Variants in COL5A3 observed in about 807,000 individuals in gnomAD.
COL5A3 encodes the protein collagen alpha-3(V) chain.
COL5A3 carries 172 observed loss-of-function variants against 250.0 expected under a neutral mutation model. The observed-to-expected ratio is 0.69, with a 90% CI of 0.61 to 0.78. COL5A3 has a LOEUF of 0.78. COL5A3 is among the 30% of genes least tolerant of loss of function. The pLI is 0.00. For missense variants in COL5A3, 2,340 were observed against 2,334.4 expected, an observed-to-expected ratio of 1.00 and a Z score of -0.05; for synonymous variants, 937 against 900.4, an observed-to-expected ratio of 1.04 and a Z score of -0.73.
Position 9,985,855 on chromosome 19 carries a change from C to T in COL5A3, c.2393G>A (p.Arg798His), listed in dbSNP as rs758573683. 19 of 1,613,782 alleles carry T rather than the reference C, an allele frequency of 1.2e-5. No individual in the cohort carries two copies. Among genetic ancestry groups the T allele is most frequent in the South Asian group, 7.7e-5 (7 of 91,050 alleles). The change falls in exon 31 of 67, where the codon CGC (arginine) becomes CAC (histidine). Residue 798 changes from arginine to histidine, a missense_variant. Physicochemically the swap from Arg to His is conservative, Grantham distance 29 (BLOSUM62 0). This residue lies in a region of COL5A3 where 1,152 missense variants were observed against 1,146.3 expected (regional missense o/e 1.00). Transcript: ENST00000264828. Reference sequence around the variant, plus strand: ...CCAGCTTCCTACCTTAGGTCCAGGGCGTCCTGGATAACCTGGGAGGCCTGG... The same window carrying T: ...CCAGCTTCCTACCTTAGGTCCAGGGTGTCCTGGATAACCTGGGAGGCCTGG... The part of the protein sequence containing the change: ...GVPGLPGYPG[R>H]PGPKGSIGFP...
chr19:9,992,353 G>A (rs2087206562), intron 21 of COL5A3, among the ~76,000 whole-genome samples: 2 of 152,026 alleles, frequency 1.3e-5, no homozygotes, highest in Non-Finnish European at 2.9e-5. Context: ...AGTTTGCAGT[G>A]AGCAGAGATC....
In COL5A3 at chr19:9,977,264, C is replaced by T. The variant is rs757598023; in HGVS notation, c.3253G>A (p.Gly1085Arg). The change falls in exon 44 of 67, where the codon GGA becomes AGA. Residue 1085 changes from glycine (G) to arginine (R), a missense_variant. By Grantham distance (125) the Gly-to-Arg change is moderately radical. Around this residue, in one of 3 missense-constraint regions of COL5A3, gnomAD observed 1,179 missense variants for 1,162.6 expected, o/e 1.01. Transcript: ENST00000264828. ...EGDKGDVGAP[G>R]HKGSKGDKGD... ...TTATCGCCTTTACTCCCCTTGTGTC[C>T]GGGGGCACCCACATCCCCCTGCAGA... is the stretch of plus-strand genomic sequence containing the variant. 1.6e-5 allele frequency: 26 copies of T among 1,614,076 alleles called. No individual in the cohort carries two copies. The South Asian group carries it at 1.8e-4, about 11-fold the overall frequency.
At chr19:10,008,488 C>T (rs2145151431) in intron 1 of COL5A3, among the ~76,000 whole-genome samples, 1 of 152,264 alleles carries the variant, frequency 6.6e-6, no homozygotes, top group South Asian at 2.1e-4. Flanking sequence ...TGCCACTCTC[C>T]CCTGTGCTGG....
intron 31 of COL5A3, among the ~76,000 whole-genome samples, chr19:9,984,753 G>A (rs2087070895): frequency 2.0e-5 from 3 of 151,968 alleles, no homozygotes; most frequent in South Asian, 4.2e-4. Flanking sequence ...GCGGGTAAGA[G>A]GGCATTTGAC....
At chr19:9,967,877 A>T in intron 61 of COL5A3, 27 bp downstream of exon 61, 2 of 1,609,446 alleles carry the variant, frequency 1.2e-6, no homozygotes, top group Non-Finnish European at 1.7e-6. Flanking sequence ...TGGGATGTGT[A>T]AGCCCACGGA....
At chr19:9,980,199 T>C in intron 35 of COL5A3, 152 bp from the exon 36 acceptor site, 1 of 782,770 alleles carries the variant, frequency 1.3e-6, no homozygotes, top group South Asian at 1.7e-5. Context: ...GTCATTTTAT[T>C]CACCACTGTA....
intron 4 of COL5A3, among the ~76,000 whole-genome samples, chr19:10,004,731 G>A (rs113953093): frequency 0.023 from 3,424 of 152,176 alleles, 63 homozygotes; most frequent in South Asian, 0.06. Flanking sequence ...TGGCCTCCCA[G>A]AGGTGACACA....
rs756198915 is a variant in COL5A3 at position 9,980,643 on chromosome 19, C to T, written c.2604+5G>A. 3.1e-6 allele frequency: 5 copies of T among 1,612,326 alleles called. No individual in the cohort carries two copies. The South Asian group carries it at 4.4e-5, about 14-fold the overall frequency. On this transcript the variant is annotated splice_donor_5th_base_variant and intron_variant, in intron 35 of 66. Coordinates refer to ENST00000264828, the MANE Select transcript of COL5A3 (RefSeq NM_015719.4). ...TCACACACACACACACACACACACA[C>T]TCACCTTTTCTCCAGGGATCCCAGG...
intron 61 of COL5A3, 68 bp from the exon 62 acceptor site, chr19:9,967,468 A>AACACACACACACAC: frequency 1.0e-6 from 1 of 998,068 alleles, no homozygotes; most frequent in Non-Finnish European, 1.4e-6. Context: ...CATACACACA[A>AACACACACACACAC]ACACACACAC....
rs1316770235 is a variant in COL5A3 at position 9,988,910 on chromosome 19, T to C, written c.2145+214A>G. Among the ~76,000 whole-genome samples, 3 of 149,782 alleles carry C rather than the reference T, an allele frequency of 2.0e-5. No individual in the cohort carries two copies. The East Asian group carries it at 5.9e-4, about 29-fold the overall frequency. ...GGAAAAGAGAAAAGAAAGAAATGTG[T>C]TTGGCCTCTAATGGGCTTAGCTGTT... On this transcript the variant is annotated intron_variant, in intron 27 of 66. Coordinates refer to ENST00000264828, the MANE Select transcript of COL5A3 (RefSeq NM_015719.4).
At position 10,006,240 on chromosome 19, in the gene COL5A3, G is replaced by C. The variant is rs755309435; in HGVS notation, c.89-9C>G. 1 of 1,586,526 alleles carries C rather than the reference G, an allele frequency of 6.3e-7. No individual in the cohort carries two copies. Among genetic ancestry groups the C allele is most frequent in the Non-Finnish European group, 8.6e-7 (1 of 1,166,678 alleles). On this transcript the variant is annotated splice_polypyrimidine_tract_variant and intron_variant, in intron 1 of 66. Transcript: ENST00000264828. ...CAGGACATCCACAGGATCTGCAGCA[G>C]AGAGAAGCCGGGGGTGTCAGGCAGA...
Position 9,968,574 on chromosome 19 carries a change from G to T in COL5A3, c.4207-82C>A, listed in dbSNP as rs1568405558. 6.3e-7 allele frequency: 1 copy of T among 1,580,220 alleles called. No homozygotes were observed. Among genetic ancestry groups the T allele is most frequent in the Non-Finnish European group, 8.7e-7 (1 of 1,155,210 alleles). On this transcript the variant is annotated intron_variant, in intron 58 of 66. Transcript: ENST00000264828. The surrounding 1 kb of genome is among the most constrained non-coding windows in gnomAD (Gnocchi z 4.1). ...TTCTCCTAGAGCCTTAGGGTGATGA[G>T]TTTGGGAGCAGAGGATGCACCAATC...
intron 1 of COL5A3, among the ~76,000 whole-genome samples, chr19:10,006,863 T>C (rs1410640958): frequency 1.3e-5 from 2 of 152,022 alleles, no homozygotes; most frequent in East Asian, 3.9e-4. Context: ...ATCTCCTTTT[T>C]CTGTCTGATC....
rs1293170631 is a variant in COL5A3, at chr19:9,992,981, C to G, written c.1794+42G>C. ...GGGGCCCTGGGAGTCCTGACTCCCT[C>G]CCCTGCACCAAGCAAGGGGCCCAGG... On this transcript the variant is annotated intron_variant, in intron 20 of 66. Transcript: ENST00000264828. 3 of 1,610,912 alleles carry G rather than the reference C, an allele frequency of 1.9e-6. 1 individual carries two copies. Among genetic ancestry groups the G allele is most frequent in the South Asian group, 1.1e-5 (1 of 90,816 alleles).
intron 11 of COL5A3, 138 bp downstream of exon 11, chr19:9,997,233 G>A (rs1434657626): frequency 9.8e-6 from 7 of 714,232 alleles, no homozygotes; most frequent in Non-Finnish European, 1.8e-5. Context: ...ATGGGAGACA[G>A]AGAACAGAAG....
At chr19:9,973,685 C>T in intron 49 of COL5A3, 62 bp from the exon 50 acceptor site, 1 of 1,611,360 alleles carries the variant, frequency 6.2e-7, no homozygotes, top group Admixed American at 1.7e-5. Flanking sequence ...AGGGGCTCCC[C>T]AGAATGTCCC....
At chr19:10,001,740 G>T (rs758076091) in intron 7 of COL5A3, 28 bp downstream of exon 7, 3 of 1,613,160 alleles carry the variant, frequency 1.9e-6, no homozygotes, top group Non-Finnish European at 2.5e-6. Context: ...TAACCCTTGG[G>T]GTCTCCCCTC....
Position 10,004,128 on chromosome 19 carries a change from C to A in COL5A3, c.612G>T (p.Leu204=). Residue 204 remains leucine (L), a synonymous_variant, in exon 5 of 67, where the codon CTG becomes CTT. Transcript: ENST00000264828. ...EKTFEGDIQE[L]LISPDPQAAF... ...CAGCCTGAGGATCTGGGCTTATCAG[C>A]AGCTCCTGAATGTCTCCCTGGGGGT... is the stretch of plus-strand genomic sequence containing the variant. 1.2e-6 allele frequency: 2 copies of A among 1,613,922 alleles called. No individual in the cohort carries two copies. The highest frequency in any genetic ancestry group is 2.2e-5 in the East Asian group (1 of 44,874).
At position 9,960,079 on chromosome 19, in the gene COL5A3, G is replaced by T; in HGVS notation, c.*332C>A. ...GTGAGGAGGCAGGCATTGGGGGTGGGGGGGCTTTTGTTCATCAGCTCTGAG... is the reference window on the plus strand; with the variant it reads ...GTGAGGAGGCAGGCATTGGGGGTGGTGGGGCTTTTGTTCATCAGCTCTGAG... On this transcript the variant is annotated 3_prime_UTR_variant, in exon 67 of 67. Coordinates refer to ENST00000264828, the MANE Select transcript of COL5A3 (RefSeq NM_015719.4). 3.2e-6 allele frequency: 1 copy of T among 308,642 alleles called. No individual in the cohort carries two copies. Among genetic ancestry groups the T allele is most frequent in the South Asian group, 4.5e-5 (1 of 22,444 alleles). 19.1% of individuals were successfully genotyped at this position (308,642 alleles called of 1,614,324 possible).
Sources: gnomAD v4.1 joint callset for allele counts (sites outside exome capture counted in the v4.1 genomes callset) on GRCh38, gnomAD v4.1.1 for gene constraint, gnomAD v4.1.1 regional missense constraint, Gnocchi (gnomAD v3.1) non-coding constraint, MANE v1.5 for transcripts, NCBI Gene and HGNC (gene_info 2026-07-23, HGNC 2026-07-21) for gene names.